Variants in HSD17B12 observed in about 807,000 individuals in gnomAD.
The protein encoded by HSD17B12 is very-long-chain 3-oxoacyl-CoA reductase.
HSD17B12 carries 32 observed loss-of-function variants against 39.3 expected under a neutral mutation model. The ratio of observed to expected loss-of-function variants is 0.81; its 90% CI spans 0.61 to 1.09. The LOEUF (loss-of-function observed/expected upper bound fraction) is 1.09, where lower values mean the gene tolerates loss of function less well. Ranked by LOEUF, HSD17B12 falls within the 50% of genes least tolerant of loss-of-function variation. The pLI is 0.00. For synonymous variants in HSD17B12, 150 were observed against 146.7 expected (o/e 1.02, Z -0.16); for missense variants, 342 against 382.9 (o/e 0.89, Z 0.89).
At chr11:43,838,614 G>A (rs1322949587) in intron 8 of HSD17B12, among the ~76,000 whole-genome samples, 1 of 150,228 alleles carries the variant, frequency 6.7e-6, no homozygotes, top group East Asian at 2.0e-4. Context: ...TTACAAATGG[G>A]ACACCAGGAT....
the HSD17B12 span, among the ~76,000 whole-genome samples, chr11:43,627,169 G>T: frequency 2.3e-3 from 347 of 151,964 alleles, 3 homozygotes; most frequent in African/African-American, 8.0e-3. Flanking sequence ...GACATTAAGA[G>T]AAATGTTAAG....
intron 3 of HSD17B12, among the ~76,000 whole-genome samples, chr11:43,756,609 A>C (rs980910869): frequency 1.3e-5 from 2 of 152,212 alleles, no homozygotes; most frequent in African/African-American, 4.8e-5. Context: ...TAGTTGCTAG[A>C]AATAAAGGTA....
At chr11:43,841,958 A>G (rs1011259145) in intron 9 of HSD17B12, among the ~76,000 whole-genome samples, 1 of 152,162 alleles carries the variant, frequency 6.6e-6, no homozygotes, top group Non-Finnish European at 1.5e-5. Context: ...AATCTCATAC[A>G]ATGGTGTGAT....
chr11:43,801,768 T>C (rs1026895436), intron 4 of HSD17B12, among the ~76,000 whole-genome samples: 4 of 151,894 alleles, frequency 2.6e-5, no homozygotes, highest in African/African-American at 7.3e-5. Flanking sequence ...CCAAGGAGAA[T>C]AGAGAGAATG....
intron 3 of HSD17B12, among the ~76,000 whole-genome samples, chr11:43,762,082 G>T (rs1162387235): frequency 6.6e-6 from 1 of 152,144 alleles, no homozygotes; most frequent in Non-Finnish European, 1.5e-5. Context: ...CCTGAATTCT[G>T]TGGGATCAGT....
rs545493033 is a variant in HSD17B12 at position 43,805,659 on chromosome 11, G to T, written c.391+7232G>T. On this transcript the variant is annotated intron_variant, in intron 4 of 10. Coordinates refer to ENST00000278353, the MANE Select transcript of HSD17B12 (RefSeq NM_016142.3). Reference sequence around the variant, plus strand: ...CATGGGATGATTGTTTGGGAAAAGGGCAGGATATAACTTTTGTGCTTTCTA... The same window carrying T: ...CATGGGATGATTGTTTGGGAAAAGGTCAGGATATAACTTTTGTGCTTTCTA... 1.4e-4 allele frequency among the ~76,000 whole-genome samples: 21 copies of T among 152,236 alleles called. No individual in the cohort carries two copies. In the South Asian group the frequency reaches 3.1e-3, roughly 23 times the overall value.
intron 3 of HSD17B12, among the ~76,000 whole-genome samples, chr11:43,790,908 C>T (rs1479087460): frequency 6.6e-6 from 1 of 151,996 alleles, no homozygotes; most frequent in African/African-American, 2.4e-5. Flanking sequence ...GCAGGAGAAT[C>T]GCTTGAACCC....
At chr11:43,561,693 T>C in the HSD17B12 span, among the ~76,000 whole-genome samples, 2 of 152,106 alleles carry the variant, frequency 1.3e-5, no homozygotes, top group South Asian at 2.1e-4. Context: ...CCCTTTTTTT[T>C]TGAGAAATAT....
In HSD17B12 at chr11:43,841,586, T is replaced by C. The variant is rs140272474; in HGVS notation, c.684+1522T>C. Reference sequence around the variant, plus strand: ...GAGTTTATTATGTAGCTAGCAGATATAATGCTGTGAAAACACAAAATATGA... The same window carrying C: ...GAGTTTATTATGTAGCTAGCAGATACAATGCTGTGAAAACACAAAATATGA... On this transcript the variant is annotated intron_variant, in intron 9 of 10. Coordinates refer to ENST00000278353, the MANE Select transcript of HSD17B12 (RefSeq NM_016142.3). 2.9e-4 allele frequency among the ~76,000 whole-genome samples: 44 copies of C among 152,352 alleles called. No individual in the cohort carries two copies. In the East Asian group the frequency reaches 6.9e-3, roughly 24 times the overall value.
chr11:43,764,824 C>T (rs1479156218), intron 3 of HSD17B12, among the ~76,000 whole-genome samples: 1 of 152,092 alleles, frequency 6.6e-6, no homozygotes, highest in Non-Finnish European at 1.5e-5. Flanking sequence ...TTCTTATGGA[C>T]AGCATAGAGT....
the HSD17B12 span, among the ~76,000 whole-genome samples, chr11:43,586,600 A>C: frequency 6.6e-6 from 1 of 152,182 alleles, no homozygotes; most frequent in African/African-American, 2.4e-5. Flanking sequence ...CAAACCCAGT[A>C]AAGATCTGTT....
At chr11:43,664,375 G>T in the HSD17B12 span, among the ~76,000 whole-genome samples, 1 of 152,122 alleles carries the variant, frequency 6.6e-6, no homozygotes, top group African/African-American at 2.4e-5. Context: ...CTGGCTCATG[G>T]GCATGACTTC....
At chr11:43,641,380 C>G in the HSD17B12 span, among the ~76,000 whole-genome samples, 5 of 151,646 alleles carry the variant, frequency 3.3e-5, no homozygotes, top group Non-Finnish European at 7.4e-5. Context: ...AAATATTTAG[C>G]AAAATCAAAA....
intron 1 of HSD17B12, chr11:43,719,127 A>G: frequency 1.3e-6 from 1 of 760,238 alleles, no homozygotes. Context: ...GATGTTGCCA[A>G]CAAAATTGGG....
the HSD17B12 span, among the ~76,000 whole-genome samples, chr11:43,633,626 G>A: frequency 6.6e-6 from 1 of 152,154 alleles, no homozygotes; most frequent in African/African-American, 2.4e-5. Flanking sequence ...GAGAGAAGGA[G>A]AATGACTGAA....
At chr11:43,568,294 G>T in the HSD17B12 span, among the ~76,000 whole-genome samples, 17 of 152,030 alleles carry the variant, frequency 1.1e-4, no homozygotes, top group African/African-American at 3.6e-4. Flanking sequence ...GTAGAGAAAG[G>T]GTTTCACCAT....
chr11:43,615,271 C>G, the HSD17B12 span, among the ~76,000 whole-genome samples: 1 of 152,156 alleles, frequency 6.6e-6, no homozygotes, highest in Admixed American at 6.5e-5. Flanking sequence ...TCAGTGAGCT[C>G]TCTCTTTTCT....
chr11:43,558,759 G>A, the HSD17B12 span, among the ~76,000 whole-genome samples: 1 of 152,044 alleles, frequency 6.6e-6, no homozygotes, highest in African/African-American at 2.4e-5. Context: ...TGGGGGTGCG[G>A]GGGCGGAGGG....
intron 1 of HSD17B12, chr11:43,681,300 C>G (rs1949742027): frequency 5.8e-6 from 2 of 346,310 alleles, no homozygotes; most frequent in Non-Finnish European, 9.3e-6. Flanking sequence ...GTTCATGGAG[C>G]CAGTCAGTCG....
Sources: gnomAD v4.1 joint callset for allele counts (sites outside exome capture counted in the v4.1 genomes callset) on GRCh38, gnomAD v4.1.1 for gene constraint, MANE v1.5 for transcripts, NCBI Gene and HGNC (gene_info 2026-07-23, HGNC 2026-07-21) for gene names.